The following ZZZ3 variants were observed in gnomAD, a reference collection of about 807,000 sequenced individuals.
ZZZ3 encodes the protein zinc finger ZZ-type containing 3, also known as ZZ-type zinc finger-containing protein 3.
Under a neutral mutation model 95.2 loss-of-function variants are expected in ZZZ3, and 22 were observed. That is an observed-to-expected ratio of 0.23 (90% CI 0.17 to 0.33). ZZZ3 has a LOEUF of 0.33. Ranked by LOEUF, ZZZ3 falls within the 10% of genes least tolerant of loss-of-function variation. ZZZ3 has a pLI of 1.00. For missense variants in ZZZ3, 885 were observed against 1,066.5 expected, an observed-to-expected ratio of 0.83 and a Z score of 2.37; for synonymous variants, 335 against 358.9, an observed-to-expected ratio of 0.93 and a Z score of 0.75.
At chr1:77,631,364 A>G (rs1280150932) in intron 5 of ZZZ3, among the ~76,000 whole-genome samples, 1 of 152,196 alleles carries the variant, frequency 6.6e-6, no homozygotes, top group African/African-American at 2.4e-5. Context: ...GTCAAAGATG[A>G]TGCATAAAGC....
intron 5 of ZZZ3, among the ~76,000 whole-genome samples, chr1:77,622,177 C>A (rs1357883809): frequency 6.7e-6 from 1 of 149,096 alleles, no homozygotes; most frequent in African/African-American, 2.5e-5. Context: ...TGTGGTGGCA[C>A]ACACCTGTAG....
chr1:77,583,285 A>G (rs964351421), intron 6 of ZZZ3, among the ~76,000 whole-genome samples: 16 of 152,194 alleles, frequency 1.1e-4, no homozygotes, highest in African/African-American at 3.9e-4. Context: ...TTAGTAAAGT[A>G]AAAATTTCGT....
At chr1:77,648,535 G>GT (rs757580286) in intron 1 of ZZZ3, among the ~76,000 whole-genome samples, 1 of 151,980 alleles carries the variant, frequency 6.6e-6, no homozygotes, top group Non-Finnish European at 1.5e-5. Flanking sequence ...GTAGAGATAC[G>GT]TAAGTCTTTT....
At chr1:77,635,533 G>A (rs1443223572) in intron 4 of ZZZ3, among the ~76,000 whole-genome samples, 2 of 152,152 alleles carry the variant, frequency 1.3e-5, no homozygotes, top group Non-Finnish European at 1.5e-5. Context: ...TCTTTCATGG[G>A]TAACAAACAC....
chr1:77,603,618 C>A lies in ZZZ3; in HGVS notation c.1506-18963G>T, dbSNP rs144328223. The stretch of plus-strand genomic sequence containing the variant: ...AGATGCAAAGTTAAACATCCGGGTG[C>A]CCATTTCCTGTCCCTAATCTACTAA... On this transcript the variant is annotated intron_variant, in intron 5 of 14. Coordinates refer to ENST00000370801, the MANE Select transcript of ZZZ3 (RefSeq NM_015534.6). Among the ~76,000 whole-genome samples, 7 of 152,194 alleles carry A rather than the reference C, an allele frequency of 4.6e-5. No individual in the cohort carries two copies. In the East Asian group the frequency reaches 1.4e-3, roughly 29 times the overall value.
chr1:77,627,424 C>G (rs1667433972), intron 5 of ZZZ3, among the ~76,000 whole-genome samples: 1 of 152,084 alleles, frequency 6.6e-6, no homozygotes, highest in South Asian at 2.1e-4. Flanking sequence ...TTTCTGGCCC[C>G]TTGAAAGAAA....
chr1:77,657,843 A>G (rs1310045154), intron 1 of ZZZ3, among the ~76,000 whole-genome samples: 1 of 152,232 alleles, frequency 6.6e-6, no homozygotes, highest in Non-Finnish European at 1.5e-5. Context: ...TCCACAATAT[A>G]AAGTACAAAT....
intron 5 of ZZZ3, among the ~76,000 whole-genome samples, chr1:77,621,980 T>A (rs1429660473): frequency 1.3e-5 from 2 of 152,108 alleles, no homozygotes; most frequent in African/African-American, 4.8e-5. Flanking sequence ...ATCTTAATTA[T>A]GTTTTGAGAA....
At chr1:77,654,477 A>G (rs1386515653) in intron 1 of ZZZ3, among the ~76,000 whole-genome samples, 1 of 152,104 alleles carries the variant, frequency 6.6e-6, no homozygotes, top group African/African-American at 2.4e-5. Flanking sequence ...ACTCCAAACA[A>G]CTTTTTAACA....
chr1:77,651,525 T>C (rs1413999910), intron 1 of ZZZ3, among the ~76,000 whole-genome samples: 1 of 152,158 alleles, frequency 6.6e-6, no homozygotes, highest in Non-Finnish European at 1.5e-5. Flanking sequence ...TGAGTTTATC[T>C]AAAATTGTCA....
intron 5 of ZZZ3, among the ~76,000 whole-genome samples, chr1:77,623,850 A>C (rs977012493): frequency 6.6e-6 from 1 of 152,174 alleles, no homozygotes; most frequent in African/African-American, 2.4e-5. Flanking sequence ...GAGAATAAAG[A>C]GACAAACAAA....
At chr1:77,614,300 G>A (rs1033009795) in intron 5 of ZZZ3, among the ~76,000 whole-genome samples, 2 of 152,112 alleles carry the variant, frequency 1.3e-5, no homozygotes, top group African/African-American at 4.8e-5. Context: ...TAATCATAGA[G>A]TAACAAGGCT....
chr1:77,594,879 A>G (rs1020229549), intron 5 of ZZZ3, among the ~76,000 whole-genome samples: 7 of 150,616 alleles, frequency 4.6e-5, no homozygotes, highest in Middle Eastern at 6.8e-3. Context: ...TTACAAAACA[A>G]CCAGATAAGT....
At chr1:77,600,457 G>A (rs1278062274) in intron 5 of ZZZ3, among the ~76,000 whole-genome samples, 1 of 152,154 alleles carries the variant, frequency 6.6e-6, no homozygotes, top group African/African-American at 2.4e-5. Flanking sequence ...GGAGAAAGCT[G>A]AGAAAATTAT....
chr1:77,586,562 A>G (rs796471965), intron 5 of ZZZ3, among the ~76,000 whole-genome samples: 14 of 152,328 alleles, frequency 9.2e-5, no homozygotes, highest in African/African-American at 3.4e-4. Context: ...ACAATTTTAC[A>G]GTATGTAAAT....
chr1:77,634,403 T>C (rs1668114046), intron 4 of ZZZ3, among the ~76,000 whole-genome samples: 1 of 152,150 alleles, frequency 6.6e-6, no homozygotes, highest in Non-Finnish European at 1.5e-5. Flanking sequence ...TAATTTTTCA[T>C]AACTAAATAG....
chr1:77,639,498 T>C lies in ZZZ3; in HGVS notation c.-101A>G, dbSNP rs764803505. ...GTGGAAATATAATCTCTTTTCCTTA[T>C]ATCCTGAAGGAGTTGGAGCTATGAT... On this transcript the variant is annotated 5_prime_UTR_variant, in exon 4 of 15. The change creates a new upstream start codon in the 5' untranslated region. Transcript: ENST00000370801. 6.7e-7 allele frequency: 1 copy of C among 1,493,528 alleles called. No homozygotes were observed. Among genetic ancestry groups the C allele is most frequent in the Non-Finnish European group, 8.9e-7 (1 of 1,118,922 alleles). The allele number at this position is 1,493,528 out of a possible 1,614,324, so 92.5% of individuals were successfully genotyped here.
Position 77,564,078 on chromosome 1 carries a change from T to C in ZZZ3, c.*1562A>G, listed in dbSNP as rs1226934235. 6.6e-6 allele frequency: 1 copy of C among 152,142 alleles called. No individual in the cohort carries two copies. Among genetic ancestry groups the C allele is most frequent in the Non-Finnish European group, 1.5e-5 (1 of 68,002 alleles). 9.4% of individuals were successfully genotyped at this position (152,142 alleles called of 1,614,324 possible). Reference sequence around the variant, plus strand: ...ATAACAATCAATCTTAGAATATTTATACTATCTTTTCCTATAGTTAATAGT... The same window carrying C: ...ATAACAATCAATCTTAGAATATTTACACTATCTTTTCCTATAGTTAATAGT... On this transcript the variant is annotated 3_prime_UTR_variant, in exon 15 of 15. Transcript: ENST00000370801.
chr1:77,575,823 T>G (rs1026405754), intron 12 of ZZZ3, among the ~76,000 whole-genome samples: 4 of 152,134 alleles, frequency 2.6e-5, no homozygotes, highest in Non-Finnish European at 5.9e-5. Context: ...CAGAGCAGAG[T>G]TGAGGTGGGT....
Sources: allele counts gnomAD v4.1 joint callset (sites outside exome capture counted in the v4.1 genomes callset), GRCh38; gene constraint gnomAD v4.1.1; transcripts MANE v1.5; gene names NCBI Gene and HGNC (gene_info 2026-07-23, HGNC 2026-07-21).